Variants in PTGFRN observed in about 807,000 individuals in gnomAD.
The protein encoded by PTGFRN is prostaglandin F2 receptor inhibitor, also known as prostaglandin F2 receptor negative regulator.
In PTGFRN, 35 loss-of-function variants were observed where a neutral mutation model predicts 83.2. The ratio of observed to expected loss-of-function variants is 0.42; its 90% confidence interval spans 0.32 to 0.56. The LOEUF (loss-of-function observed/expected upper bound fraction) is 0.56. Among genes scored for constraint, PTGFRN ranks in the 20% least tolerant of loss-of-function variants. PTGFRN has a pLI of 0.11. For synonymous variants in PTGFRN, 519 were observed against 498.6 expected (o/e 1.04, Z -0.55); for missense variants, 1,051 against 1,179.5 (o/e 0.89, Z 1.60).
intron 1 of PTGFRN, among the ~76,000 whole-genome samples, chr1:116,927,053 A>G (rs1021110252): frequency 1.3e-5 from 2 of 152,188 alleles, no homozygotes; most frequent in Non-Finnish European, 2.9e-5. Context: ...TCTTGGGGTC[A>G]TGTTGGTCCA....
Position 116,941,576 on chromosome 1 carries a change from C to CA in PTGFRN, c.50-138dup, listed in dbSNP as rs1280774332. On this transcript the variant is annotated intron_variant, in intron 1 of 8. Coordinates refer to ENST00000393203, the MANE Select transcript of PTGFRN (RefSeq NM_020440.4). This position sits in a 1 kb window ranked among gnomAD's most constrained non-coding sequence, Gnocchi z 5.0. ...TTTAAGGGTTAGGCTTAACCTTCTGCATAGATACATTTTCCCTAGTAGTTT... is the reference window on the plus strand; with the variant it reads ...TTTAAGGGTTAGGCTTAACCTTCTGCAATAGATACATTTTCCCTAGTAGTTT... 8.4e-7 allele frequency: 1 copy of CA among 1,193,356 alleles called. No individual in the cohort carries two copies. The highest frequency in any genetic ancestry group is 2.4e-5 in the East Asian group (1 of 42,550). 73.9% of individuals were successfully genotyped at this position (1,193,356 alleles called of 1,614,324 possible). A position where few individuals can be genotyped will look rare whatever the true frequency, so the allele number is the denominator to read the frequency against.
At chr1:116,933,571 G>T (rs1376934179) in intron 1 of PTGFRN, among the ~76,000 whole-genome samples, 1 of 151,970 alleles carries the variant, frequency 6.6e-6, no homozygotes, top group Admixed American at 6.5e-5. Context: ...ATTTCAACTG[G>T]GATTATGTTC....
rs189263657 is a variant in PTGFRN at position 116,952,049 on chromosome 1, G to A, written c.1213+2477G>A. Among the ~76,000 whole-genome samples, 128 of 152,300 alleles carry A rather than the reference G, an allele frequency of 8.4e-4. No homozygotes were observed. Among genetic ancestry groups the A allele is most frequent in the African/African-American group, 2.8e-3 (116 of 41,568 alleles). ...TCGAGAGAGTTGGTTTGCTACACAG[G>A]TAAAATGCAAAACTCAGTTTTGCCA... On this transcript the variant is annotated intron_variant, in intron 4 of 8. Transcript: ENST00000393203. This position sits in a 1 kb window ranked among gnomAD's most constrained non-coding sequence, Gnocchi z 4.0.
chr1:116,948,223 C>G (rs1454793463), intron 3 of PTGFRN, among the ~76,000 whole-genome samples: 2 of 152,128 alleles, frequency 1.3e-5, no homozygotes, highest in African/African-American at 4.8e-5. Context: ...TGTTTTTCTA[C>G]TCAGATTACA....
intron 6 of PTGFRN, among the ~76,000 whole-genome samples, chr1:116,969,924 G>C (rs12058666): frequency 0.17 from 25,999 of 152,068 alleles, 2,420 homozygotes; most frequent in Middle Eastern, 0.24. Flanking sequence ...GTACAACTGG[G>C]TTTTGTATAT....
chr1:116,910,211 G>T lies in PTGFRN; in HGVS notation c.8G>T (p.Arg3Leu), dbSNP rs759391319. The change falls in exon 1 of 9, where the codon CGC becomes CTC. Residue 3 changes from arginine (R) to leucine (L), a missense_variant. Coordinates refer to ENST00000393203, the MANE Select transcript of PTGFRN (RefSeq NM_020440.4). MG[R>L]LASRPLLLAL... The stretch of plus-strand genomic sequence containing the variant: ...CGCTCCCGCCGGGCGAGCATGGGGC[G>T]CCTGGCCTCGAGGCCGCTGCTGCTG... The T allele has an allele frequency of 6.8e-7, 1 of 1,468,756 alleles. No homozygotes were observed. The allele number at this position is 1,468,756 out of a possible 1,614,324, so 91.0% of individuals were successfully genotyped here.
chr1:116,975,053 G>C (rs980681680), intron 7 of PTGFRN, among the ~76,000 whole-genome samples: 2 of 152,216 alleles, frequency 1.3e-5, no homozygotes, highest in Non-Finnish European at 2.9e-5. Flanking sequence ...TATGGTCTTA[G>C]CAAACGGCAC....
intron 1 of PTGFRN, among the ~76,000 whole-genome samples, chr1:116,920,311 A>G (rs572199708): frequency 1.8e-4 from 27 of 152,384 alleles, no homozygotes; most frequent in African/African-American, 6.5e-4. Context: ...TCACAGAAAC[A>G]GTAAAACTAA....
intron 7 of PTGFRN, among the ~76,000 whole-genome samples, chr1:116,980,849 T>TATA (rs1651299503): frequency 1.3e-5 from 2 of 152,086 alleles, no homozygotes; most frequent in African/African-American, 2.4e-5. Context: ...GAACTTAAAG[T>TATA]ATAATAATAA....
intron 7 of PTGFRN, among the ~76,000 whole-genome samples, chr1:116,982,395 A>G (rs1470552352): frequency 2.6e-5 from 4 of 152,092 alleles, no homozygotes; most frequent in Admixed American, 2.6e-4. Flanking sequence ...ACAAGTTGTA[A>G]TTTAGTTTTT....
intron 1 of PTGFRN, 57 bp downstream of exon 1, chr1:116,910,309 TCGGCGGGGCG>T (rs1649233505): frequency 2.4e-6 from 3 of 1,260,074 alleles, no homozygotes; most frequent in South Asian, 2.9e-5. Flanking sequence ...CCTGGAGGGC[TCGGCGGGGCG>T]CGGCTGCAGC....
chr1:116,971,812 T>C (rs1311872180), intron 6 of PTGFRN, among the ~76,000 whole-genome samples: 1 of 152,182 alleles, frequency 6.6e-6, no homozygotes, highest in Non-Finnish European at 1.5e-5. Flanking sequence ...AAAAGTGAAA[T>C]TTGTTCGAAT....
chr1:116,931,598 T>C (rs1035091308), intron 1 of PTGFRN, among the ~76,000 whole-genome samples: 1 of 152,054 alleles, frequency 6.6e-6, no homozygotes, highest in Non-Finnish European at 1.5e-5. Flanking sequence ...CATTACACAT[T>C]CTCTGCTGTC....
chr1:116,961,433 C>T lies in PTGFRN; in HGVS notation c.1404C>T (p.Asp468=), dbSNP rs200242597. 9.1e-5 allele frequency: 147 copies of T among 1,614,084 alleles called. No individual in the cohort carries two copies. In the East Asian group the frequency reaches 2.2e-3, roughly 24 times the overall value. Reference sequence around the variant, plus strand: ...CCAGCGAGCTGCTTGCAGTCATGGACGGGGACTGGACGCTAAAATATGGAG... The same window carrying T: ...CCAGCGAGCTGCTTGCAGTCATGGATGGGGACTGGACGCTAAAATATGGAG... ...VVTSELLAVM[D]GDWTLKYGER... is the part of the protein sequence containing the mutation. Residue 468 remains aspartate, a synonymous_variant, in exon 5 of 9, where the codon GAC becomes GAT. Transcript: ENST00000393203. This position sits in a 1 kb window ranked among gnomAD's most constrained non-coding sequence, Gnocchi z 5.4.
chr1:116,990,165 ACGCTGACTTTCTTTT>A lies in PTGFRN; in HGVS notation c.*3199_*3213del, dbSNP rs1388931984. 1 of 152,590 alleles carries A rather than the reference ACGCTGACTTTCTTTT, an allele frequency of 6.6e-6. No homozygotes were observed. The highest frequency in any genetic ancestry group is 1.5e-5 in the Non-Finnish European group (1 of 68,032). 9.5% of individuals were successfully genotyped at this position (152,590 alleles called of 1,614,324 possible). ...TGTGTGCAGATCCCTAGAAGAGAAA[ACGCTGACTTTCTTTT>A]TAAGTGTGGCACATAAGGATCTGCA... On this transcript the variant is annotated 3_prime_UTR_variant, in exon 9 of 9. Coordinates refer to ENST00000393203, the MANE Select transcript of PTGFRN (RefSeq NM_020440.4).
rs1299052196 is a variant in PTGFRN, at chr1:116,961,463, G to A, written c.1434G>A (p.Arg478=). ...ACTGGACGCTAAAATATGGAGAGAG[G>A]AGCAAGCAGCGGGCCCAGGATGGAG... is the stretch of plus-strand genomic sequence containing the variant. ...DGDWTLKYGE[R]SKQRAQDGDF... The change falls in exon 5 of 9, where the codon AGG becomes AGA. Residue 478 remains arginine (R), a synonymous_variant. Coordinates refer to ENST00000393203, the MANE Select transcript of PTGFRN (RefSeq NM_020440.4). This position sits in a 1 kb window ranked among gnomAD's most constrained non-coding sequence, Gnocchi z 5.4. 6.2e-7 allele frequency: 1 copy of A among 1,614,070 alleles called. No homozygotes were observed. Among genetic ancestry groups the A allele is most frequent in the East Asian group, 2.2e-5 (1 of 44,892 alleles).
chr1:116,923,945 C>A lies in PTGFRN; in HGVS notation c.49+13693C>A, dbSNP rs72699113. Among the ~76,000 whole-genome samples the A allele has an allele frequency of 6.6e-6, 1 of 152,116 alleles. No individual in the cohort carries two copies. Among genetic ancestry groups the A allele is most frequent in the Middle Eastern group, 3.2e-3 (1 of 316 alleles). On this transcript the variant is annotated intron_variant, in intron 1 of 8. Transcript: ENST00000393203. The surrounding 1 kb of genome is among the most constrained non-coding windows in gnomAD (Gnocchi z 4.0). ...ACCAGTCTAAATGTGGAGGATGACA[C>A]ACACACAGGAAGAGAGGTGGCATGG...
At chr1:116,954,179 T>C (rs1256015185) in intron 4 of PTGFRN, among the ~76,000 whole-genome samples, 1 of 152,088 alleles carries the variant, frequency 6.6e-6, no homozygotes, top group East Asian at 1.9e-4. Context: ...TTTCTTTGGG[T>C]GCAGGGCATA....
intron 6 of PTGFRN, among the ~76,000 whole-genome samples, chr1:116,971,356 G>C (rs1320394351): frequency 1.3e-5 from 2 of 152,060 alleles, no homozygotes; most frequent in African/African-American, 2.4e-5. Context: ...GCCACTAACA[G>C]CTTTTTTTAG....
Sources: allele counts gnomAD v4.1 joint callset (sites outside exome capture counted in the v4.1 genomes callset), GRCh38; gene constraint gnomAD v4.1.1; non-coding constraint Gnocchi (gnomAD v3.1); transcripts MANE v1.5; gene names NCBI Gene and HGNC (gene_info 2026-07-23, HGNC 2026-07-21).